Variants in SYNPR observed in about 807,000 individuals in gnomAD.
SYNPR encodes synaptoporin.
Under a neutral mutation model 32.9 loss-of-function variants are expected in SYNPR, and 23 were observed. That is an observed-to-expected ratio of 0.70 (90% confidence interval 0.50 to 0.99). The LOEUF is 0.99. Among genes scored for constraint, SYNPR ranks in the 50% least tolerant of loss-of-function variants. SYNPR has a pLI of 0.00. For missense variants in SYNPR, 318 were observed against 349.3 expected, an observed-to-expected ratio of 0.91 and a Z score of 0.71; for synonymous variants, 146 against 135.9, an observed-to-expected ratio of 1.07 and a Z score of -0.52.
chr3:63,206,680 T>G, the SYNPR span, among the ~76,000 whole-genome samples: 2 of 152,234 alleles, frequency 1.3e-5, no homozygotes. Flanking sequence ...AGAGATGTAT[T>G]CAAATTTAGA....
intron 3 of SYNPR, among the ~76,000 whole-genome samples, chr3:63,524,347 G>A (rs938495941): frequency 4.6e-5 from 7 of 152,196 alleles, no homozygotes; most frequent in African/African-American, 1.4e-4. Context: ...TAAATAATAA[G>A]ATTAAGAAGA....
At chr3:63,208,777 A>ATCCTATAT in the SYNPR span, among the ~76,000 whole-genome samples, 2 of 152,304 alleles carry the variant, frequency 1.3e-5, no homozygotes, top group Non-Finnish European at 2.9e-5. Flanking sequence ...TTTCAAAGTC[A>ATCCTATAT]TCCTATATTC....
At chr3:63,437,732 C>T (rs999883217) in intron 2 of SYNPR, among the ~76,000 whole-genome samples, 1 of 152,126 alleles carries the variant, frequency 6.6e-6, no homozygotes, top group African/African-American at 2.4e-5. Context: ...GGCCACTTCA[C>T]AGCACCTGTG....
At chr3:63,237,156 A>T (rs2086206493) in intron 1 of SYNPR, among the ~76,000 whole-genome samples, 1 of 152,038 alleles carries the variant, frequency 6.6e-6, no homozygotes, top group African/African-American at 2.4e-5. Context: ...TACGATCATG[A>T]TTTGACTTGT....
At chr3:63,375,681 GC>G (rs1335722043) in intron 2 of SYNPR, among the ~76,000 whole-genome samples, 1 of 151,998 alleles carries the variant, frequency 6.6e-6, no homozygotes, top group Non-Finnish European at 1.5e-5. Context: ...TAACAAACCT[GC>G]ACGTTGTGCA....
At chr3:63,351,407 G>T (rs2087508143) in intron 2 of SYNPR, 1 of 152,142 alleles carries the variant, frequency 6.6e-6, no homozygotes, top group Non-Finnish European at 1.5e-5. Flanking sequence ...CCCTAGTAGG[G>T]AATCATTCTA....
intron 3 of SYNPR, among the ~76,000 whole-genome samples, chr3:63,498,113 A>G (rs1271991349): frequency 6.6e-6 from 1 of 152,158 alleles, no homozygotes; most frequent in African/African-American, 2.4e-5. Context: ...CATCTGTGTC[A>G]AGTGTGTAAC....
At chr3:63,536,803 A>G (rs1269433377) in intron 3 of SYNPR, among the ~76,000 whole-genome samples, 1 of 152,170 alleles carries the variant, frequency 6.6e-6, no homozygotes, top group African/African-American at 2.4e-5. Context: ...TAAAAGGAAC[A>G]AAGTACTGAT....
chr3:63,565,210 AGAGGGAG>A (rs1702760929), intron 4 of SYNPR, among the ~76,000 whole-genome samples: 1 of 152,086 alleles, frequency 6.6e-6, no homozygotes, highest in Non-Finnish European at 1.5e-5. Flanking sequence ...TGTCCTATGG[AGAGGGAG>A]GAGGGAGGTG....
intron 3 of SYNPR, among the ~76,000 whole-genome samples, chr3:63,481,451 ATGTG>A (rs71631157): frequency 1.4e-5 from 2 of 147,116 alleles, no homozygotes; most frequent in Admixed American, 6.8e-5. Context: ...ATATATATAT[ATGTG>A]TGTGTGTGTG....
chr3:63,246,605 A>T (rs1476248915), intron 1 of SYNPR, among the ~76,000 whole-genome samples: 1 of 152,126 alleles, frequency 6.6e-6, no homozygotes, highest in African/African-American at 2.4e-5. Flanking sequence ...GTTCTCATTG[A>T]TAAAGTGACA....
At chr3:63,317,104 T>C (rs1457757552) in intron 2 of SYNPR, among the ~76,000 whole-genome samples, 3 of 152,016 alleles carry the variant, frequency 2.0e-5, no homozygotes, top group Admixed American at 6.6e-5. Context: ...GCGTGCTTGA[T>C]ATAATTTTAA....
chr3:63,553,469 C>T (rs539336001), intron 3 of SYNPR, among the ~76,000 whole-genome samples: 1 of 152,122 alleles, frequency 6.6e-6, no homozygotes, highest in East Asian at 1.9e-4. Flanking sequence ...ACTGGGATTG[C>T]TGGGTCAAAG....
intron 3 of SYNPR, among the ~76,000 whole-genome samples, chr3:63,493,535 C>A (rs1381255658): frequency 6.6e-6 from 1 of 151,926 alleles, no homozygotes; most frequent in African/African-American, 2.4e-5. Flanking sequence ...GAGATTCCAG[C>A]CAGGCACGGT....
intron 3 of SYNPR, among the ~76,000 whole-genome samples, chr3:63,499,114 T>C (rs1273897159): frequency 6.6e-6 from 1 of 152,036 alleles, no homozygotes; most frequent in Non-Finnish European, 1.5e-5. Context: ...TAGGCAACAG[T>C]TGATGGTGGC....
chr3:63,544,878 A>G (rs555554115), intron 3 of SYNPR, among the ~76,000 whole-genome samples: 12 of 152,090 alleles, frequency 7.9e-5, no homozygotes, highest in Admixed American at 7.2e-4. Context: ...CAAACTTCAC[A>G]CACACACACA....
intron 2 of SYNPR, among the ~76,000 whole-genome samples, chr3:63,464,768 CATT>C (rs1700647574): frequency 6.6e-6 from 1 of 152,178 alleles, no homozygotes; most frequent in Non-Finnish European, 1.5e-5. Context: ...ATTTTTGCAT[CATT>C]GTCTTTGGTT....
intron 2 of SYNPR, among the ~76,000 whole-genome samples, chr3:63,253,920 A>G (rs1396974437): frequency 6.6e-6 from 1 of 152,232 alleles, no homozygotes; most frequent in Non-Finnish European, 1.5e-5. Context: ...ACCAACCCAA[A>G]TGTCCAACAA....
intron 1 of SYNPR, among the ~76,000 whole-genome samples, chr3:63,250,258 A>G (rs531658222): frequency 9.8e-5 from 15 of 152,306 alleles, no homozygotes; most frequent in African/African-American, 3.6e-4. Flanking sequence ...TTTGATATAC[A>G]TGTATCAAAA....
Sources: gnomAD v4.1 joint callset for allele counts (sites outside exome capture counted in the v4.1 genomes callset) on GRCh38, gnomAD v4.1.1 for gene constraint, MANE v1.5 for transcripts, NCBI Gene and HGNC (gene_info 2026-07-23, HGNC 2026-07-21) for gene names.